FNBP1L: variants seen among roughly 807,000 people sequenced by gnomAD.
FNBP1L encodes formin-binding protein 1-like.
In FNBP1L, 36 loss-of-function variants were observed where a neutral mutation model predicts 91.2. That is an observed-to-expected ratio of 0.39 (90% confidence interval 0.30 to 0.52). The LOEUF (loss-of-function observed/expected upper bound fraction) is 0.52, where lower values mean the gene tolerates loss of function less well. FNBP1L is among the 20% of genes least tolerant of loss of function. The pLI is 0.66. For missense variants in FNBP1L, 571 were observed against 732.1 expected (o/e 0.78, Z 2.54); for synonymous variants, 242 against 237.0 (o/e 1.02, Z -0.19).
Position 93,547,367 on chromosome 1 carries a change from A to G in FNBP1L, c.1428A>G (p.Glu476=). The change falls in exon 14 of 17, where the codon GAA becomes GAG. Residue 476 remains glutamate, a synonymous_variant. Coordinates refer to ENST00000271234, the MANE Select transcript of FNBP1L (RefSeq NM_001164473.3). The part of the protein sequence containing the change: ...HKNEAWLSEV[E]GKTGGRGDRR... ...CTAAGGCTTGGCTCTCTGAAGTCGAAGGCAAAACAGGTGGGAGAGGAGACA... is the reference window on the plus strand; with the variant it reads ...CTAAGGCTTGGCTCTCTGAAGTCGAGGGCAAAACAGGTGGGAGAGGAGACA... The G allele has an allele frequency of 6.4e-7, 1 of 1,560,590 alleles. No homozygotes were observed. Among genetic ancestry groups the G allele is most frequent in the Non-Finnish European group, 8.7e-7 (1 of 1,151,506 alleles).
chr1:93,537,565 G>C (rs1006739210), intron 10 of FNBP1L, among the ~76,000 whole-genome samples: 2 of 152,140 alleles, frequency 1.3e-5, no homozygotes, highest in Admixed American at 6.6e-5. Context: ...AAATGTCCCA[G>C]TGTATTATGT....
chr1:93,499,716 T>A (rs1670382648), intron 2 of FNBP1L, 133 bp downstream of exon 2: 4 of 599,944 alleles, frequency 6.7e-6, no homozygotes, highest in Non-Finnish European at 1.2e-5. Context: ...GTAACCGGTT[T>A]GTTTTAATGA....
At chr1:93,534,629 A>T in intron 8 of FNBP1L, 76 bp from the exon 9 acceptor site, 2 of 895,092 alleles carry the variant, frequency 2.2e-6, no homozygotes, top group Non-Finnish European at 3.3e-6. Flanking sequence ...GTTTTTTTGT[A>T]CTGAAAAAGT....
intron 11 of FNBP1L, 161 bp from the exon 12 acceptor site, chr1:93,543,944 AAC>A (rs200395780): frequency 1.6e-5 from 7 of 442,872 alleles, no homozygotes; most frequent in South Asian, 4.4e-5. Context: ...TATACGCATA[AAC>A]ACACACATCT....
chr1:93,541,046 C>T lies in FNBP1L; in HGVS notation c.1154C>T (p.Ser385Leu), dbSNP rs764441805. The T allele has an allele frequency of 1.8e-5, 27 of 1,536,068 alleles. No individual in the cohort carries two copies. The highest frequency in any genetic ancestry group is 2.3e-5 in the Non-Finnish European group (26 of 1,146,292). The stretch of plus-strand genomic sequence containing the variant: ...GTTTTCCATTGAACTATTCAGTGGT[C>T]GGTGAAGATGGTAAGCCTTATGTGC... ...PSFRSLKRGW[S>L]VKMGPALEDF... The change falls in exon 11 of 17, where the codon TCG (serine) becomes TTG (leucine). Residue 385 changes from serine to leucine, a missense_variant. By Grantham distance (145) the Ser-to-Leu change is moderately radical. Around this residue, in one of 5 missense-constraint regions of FNBP1L, gnomAD observed 150 missense variants for 155.9 expected, o/e 0.96. Transcript: ENST00000271234.
chr1:93,515,840 A>C (rs1671082618), intron 2 of FNBP1L, among the ~76,000 whole-genome samples: 2 of 152,104 alleles, frequency 1.3e-5, no homozygotes, highest in Admixed American at 1.3e-4. Flanking sequence ...AGTGCAGCCC[A>C]CCAGCATGGC....
At chr1:93,516,285 C>G (rs74101603) in intron 2 of FNBP1L, among the ~76,000 whole-genome samples, 2 of 152,094 alleles carry the variant, frequency 1.3e-5, no homozygotes, top group Admixed American at 6.5e-5. Context: ...GAAGGGGGCA[C>G]CCGGATTTGA....
chr1:93,486,583 G>C (rs1373841700), intron 1 of FNBP1L, among the ~76,000 whole-genome samples: 1 of 152,116 alleles, frequency 6.6e-6, no homozygotes, highest in South Asian at 2.1e-4. Context: ...CTCAGAGCAG[G>C]TAACTGATAA....
chr1:93,546,170 G>A (rs1254650243), intron 12 of FNBP1L, among the ~76,000 whole-genome samples: 1 of 152,078 alleles, frequency 6.6e-6, no homozygotes, highest in Non-Finnish European at 1.5e-5. Flanking sequence ...GAAGGAGAAA[G>A]AAGGCAGTGA....
At chr1:93,509,904 A>C (rs1227251221) in intron 2 of FNBP1L, among the ~76,000 whole-genome samples, 3 of 152,088 alleles carry the variant, frequency 2.0e-5, no homozygotes, top group Non-Finnish European at 4.4e-5. Flanking sequence ...CTTTTCCGAC[A>C]GGCTTAAAAA....
chr1:93,550,857 A>G (rs1416375216), intron 15 of FNBP1L, 90 bp from the exon 16 acceptor site: 4 of 1,216,634 alleles, frequency 3.3e-6, no homozygotes, highest in African/African-American at 1.5e-5. Context: ...GAAATCTAGT[A>G]GGGTTTCATT....
intron 2 of FNBP1L, among the ~76,000 whole-genome samples, chr1:93,517,445 G>A (rs2101746001): frequency 6.6e-6 from 1 of 152,126 alleles, no homozygotes; most frequent in Non-Finnish European, 1.5e-5. Flanking sequence ...TCCCACTTTG[G>A]CCTCCCAAAG....
At chr1:93,540,904 C>G in intron 10 of FNBP1L, 138 bp from the exon 11 acceptor site, 23 of 380,078 alleles carry the variant, frequency 6.1e-5, no homozygotes, top group East Asian at 1.4e-4. Context: ...AATGGTTTTT[C>G]TGGCATAATT....
chr1:93,525,601 T>G (rs1671467142), intron 5 of FNBP1L, among the ~76,000 whole-genome samples: 1 of 152,170 alleles, frequency 6.6e-6, no homozygotes, highest in African/African-American at 2.4e-5. Context: ...TCATGAGTCA[T>G]TGGTTCCTTT....
In FNBP1L at chr1:93,489,625, A is replaced by G. The variant is rs192241908; in HGVS notation, c.25-9843A>G. Among the ~76,000 whole-genome samples the G allele has an allele frequency of 2.4e-4, 36 of 152,294 alleles. No homozygotes were observed. The East Asian group carries it at 6.2e-3, about 26-fold the overall frequency. ...TAGATTTTGAAGTCACTACAACCTT[A>G]ATTTAAATTTAAGAAAAAATTAAAT... On this transcript the variant is annotated intron_variant, in intron 1 of 16. Transcript: ENST00000271234.
chr1:93,516,345 C>G lies in FNBP1L; in HGVS notation c.141-5737C>G, dbSNP rs189574619. Among the ~76,000 whole-genome samples the G allele has an allele frequency of 1.2e-3, 177 of 152,298 alleles. 2 individuals are homozygous for G. In the Middle Eastern group the frequency reaches 0.017, roughly 15 times the overall value. On this transcript the variant is annotated intron_variant, in intron 2 of 16. Coordinates refer to ENST00000271234, the MANE Select transcript of FNBP1L (RefSeq NM_001164473.3). ...CAAATGCTCTACCACCTGAGCTATA[C>G]CCCCTTTACCTGTTAAAAGCTCCCT... is the stretch of plus-strand genomic sequence containing the variant.
At chr1:93,450,054 G>C (rs1353750632) in intron 1 of FNBP1L, among the ~76,000 whole-genome samples, 4 of 152,070 alleles carry the variant, frequency 2.6e-5, no homozygotes, top group Non-Finnish European at 4.4e-5. Context: ...AACAGTGGAG[G>C]CATGTTATTT....
intron 1 of FNBP1L, among the ~76,000 whole-genome samples, chr1:93,471,917 T>C (rs1309946818): frequency 1.3e-5 from 2 of 152,000 alleles, no homozygotes; most frequent in East Asian, 1.9e-4. Flanking sequence ...TTTATGGGGG[T>C]GTTGGGTGGG....
rs1672505815 is a variant in FNBP1L at position 93,554,293 on chromosome 1, T to C, written c.*1877T>C. On this transcript the variant is annotated 3_prime_UTR_variant, in exon 17 of 17. Coordinates refer to ENST00000271234, the MANE Select transcript of FNBP1L (RefSeq NM_001164473.3). ...TTCTGTACAAAGCCTGAAGTGCTTA[T>C]GGTTTTTTGGCTAACAGCCACAGAG... is the stretch of plus-strand genomic sequence containing the variant. The C allele has an allele frequency of 6.5e-6, 1 of 152,686 alleles. No homozygotes were observed. The highest frequency in any genetic ancestry group is 6.5e-5 in the Admixed American group (1 of 15,288). 9.5% of individuals were successfully genotyped at this position (152,686 alleles called of 1,614,324 possible). A position where few individuals can be genotyped will look rare whatever the true frequency, so the allele number is the denominator to read the frequency against.
Sources: gnomAD v4.1 joint callset for allele counts (sites outside exome capture counted in the v4.1 genomes callset) on GRCh38, gnomAD v4.1.1 for gene constraint, gnomAD v4.1.1 regional missense constraint, MANE v1.5 for transcripts, NCBI Gene and HGNC (gene_info 2026-07-23, HGNC 2026-07-21) for gene names.